Variants in SLC11A1 observed in about 807,000 individuals in gnomAD.
The protein encoded by SLC11A1 is solute carrier family 11 member 1.
A neutral mutation model predicts 63.2 loss-of-function variants in SLC11A1; 59 were observed. The ratio of observed to expected loss-of-function variants is 0.93; its 90% CI spans 0.76 to 1.16. The LOEUF (loss-of-function observed/expected upper bound fraction) is 1.16, where lower values mean the gene tolerates loss of function less well. Ranked by LOEUF, SLC11A1 falls within the 50% of genes most tolerant of loss-of-function variation. The pLI is 0.00. For synonymous variants in SLC11A1, 305 were observed against 307.8 expected, an observed-to-expected ratio of 0.99 and a Z score of 0.09; for missense variants, 688 against 730.7, an observed-to-expected ratio of 0.94 and a Z score of 0.67.
At position 218,393,052 on chromosome 2, in the gene SLC11A1, C is replaced by CGTGCTCGGAA; in HGVS notation, c.1243_1244insGAAGTGCTCG (p.Val415GlyfsTer18). On this transcript the variant is annotated frameshift_variant, in exon 12 of 15. Transcript: ENST00000233202. LOFTEE classifies it high-confidence loss of function. The stretch of plus-strand genomic sequence containing the variant: ...CCCGCTCCTGCGCCATCCTGCCCAC[C>CGTGCTCGGAA]GTGCTCGTGGCTGTCTTCCGGGACC... The CGTGCTCGGAA allele has an allele frequency of 6.3e-7, 1 of 1,599,830 alleles. No individual in the cohort carries two copies. Among genetic ancestry groups the CGTGCTCGGAA allele is most frequent in the Admixed American group, 1.7e-5 (1 of 58,854 alleles).
At position 218,395,315 on chromosome 2, in the gene SLC11A1, A is replaced by G. The variant is rs534477109; in HGVS notation, c.*280A>G. 2.1e-5 allele frequency: 9 copies of G among 425,600 alleles called. No homozygotes were observed. The highest frequency in any genetic ancestry group is 5.9e-5 in the African/African-American group (3 of 50,432). 26.4% of individuals were successfully genotyped at this position (425,600 alleles called of 1,614,324 possible). On this transcript the variant is annotated 3_prime_UTR_variant, in exon 15 of 15. Transcript: ENST00000233202. ...GGACAAAAACAAACAAACGAAAAAC[A>G]TTTCAAAAGGTATTTATTGAGCACC...
chr2:218,396,588 G>C lies in SLC11A1; in HGVS notation c.*1553G>C, dbSNP rs565815028. 6.6e-6 allele frequency: 1 copy of C among 152,468 alleles called. No individual in the cohort carries two copies. The highest frequency in any genetic ancestry group is 6.5e-5 in the Admixed American group (1 of 15,284). The allele number at this position is 152,468 out of a possible 1,614,324, so 9.4% of individuals were successfully genotyped here. On this transcript the variant is annotated 3_prime_UTR_variant, in exon 15 of 15. Coordinates refer to ENST00000233202, the MANE Select transcript of SLC11A1 (RefSeq NM_000578.4). ...ACGATGCGAGTGGGTCCCTCAAGGA[G>C]AGAAGAGATGGGACCGGTCTGGTGC...
rs1318188838 is a variant in SLC11A1, at chr2:218,386,620, A to T, written c.394-15A>T. On this transcript the variant is annotated splice_polypyrimidine_tract_variant and intron_variant, in intron 4 of 14. Coordinates refer to ENST00000233202, the MANE Select transcript of SLC11A1 (RefSeq NM_000578.4). The stretch of plus-strand genomic sequence containing the variant: ...ACCGGCCCACCCTTAATGAAGGATC[A>T]TCTCCTCCCCATAGGTGCCCCGCAC... 1.3e-6 allele frequency: 2 copies of T among 1,594,044 alleles called. No individual in the cohort carries two copies.
At chr2:218,382,429 T>C in intron 1 of SLC11A1, 54 bp downstream of exon 1, 6 of 1,602,434 alleles carry the variant, frequency 3.7e-6, no homozygotes, top group Non-Finnish European at 5.1e-6. Flanking sequence ...GTGGAGGAGA[T>C]CACTAGGCTG....
At chr2:218,394,489 T>A in intron 13 of SLC11A1, 143 bp from the exon 14 acceptor site, 1 of 908,882 alleles carries the variant, frequency 1.1e-6, no homozygotes, top group South Asian at 1.6e-5. Context: ...GGGGAGGGGG[T>A]CTGTCTGCTC....
In SLC11A1 at chr2:218,395,016, A is replaced by G; in HGVS notation, c.1634A>G (p.Lys545Arg). 1 of 1,608,180 alleles carries G rather than the reference A, an allele frequency of 6.2e-7. No homozygotes were observed. The highest frequency in any genetic ancestry group is 8.5e-7 in the Non-Finnish European group (1 of 1,177,058). Residue 545 changes from lysine (K) to arginine (R), a missense_variant, in exon 15 of 15, where the codon AAA (lysine) becomes AGA (arginine). Physicochemically the swap from Lys to Arg is conservative, Grantham distance 26. Transcript: ENST00000233202. The stretch of plus-strand genomic sequence containing the variant: ...TATGGGCTCCTTGAAGAGGACCAGA[A>G]AGGGGAGACCTCTGGCTAGGCCCAC... ...FLYGLLEEDQKGETSG is the reference protein window; with the variant it reads ...FLYGLLEEDQRGETSG
Position 218,395,471 on chromosome 2 carries a change from A to C in SLC11A1, c.*436A>C, listed in dbSNP as rs1381166675. The C allele has an allele frequency of 6.3e-6, 1 of 159,196 alleles. No homozygotes were observed. Among genetic ancestry groups the C allele is most frequent in the African/African-American group, 2.4e-5 (1 of 41,504 alleles). The allele number at this position is 159,196 out of a possible 1,614,324, so 9.9% of individuals were successfully genotyped here. On this transcript the variant is annotated 3_prime_UTR_variant, in exon 15 of 15. Transcript: ENST00000233202. ...AAATTATCTATCTATCTATTTATTT[A>C]TTTATTTGAGACAGGGAAAGGGTCT...
At chr2:218,392,046 G>A in intron 11 of SLC11A1, 1 of 365,788 alleles carries the variant, frequency 2.7e-6, no homozygotes, top group Non-Finnish European at 5.5e-6. Context: ...GTGAGCCACT[G>A]CGTCCGGCCT....
intron 9 of SLC11A1, among the ~76,000 whole-genome samples, chr2:218,390,959 C>T (rs1696396637): frequency 6.6e-6 from 1 of 152,094 alleles, no homozygotes; most frequent in South Asian, 2.1e-4. Flanking sequence ...AGGCAGATGG[C>T]TCGCTTGAGC....
rs536595020 is a variant in SLC11A1, at chr2:218,392,047, C to T, written c.1164+552C>T. 548 of 372,474 alleles carry T rather than the reference C, an allele frequency of 1.5e-3. 1 individual carries two copies. Among genetic ancestry groups the T allele is most frequent in the Non-Finnish European group, 1.5e-3 (277 of 184,578 alleles). The allele number at this position is 372,474 out of a possible 1,614,324, so 23.1% of individuals were successfully genotyped here. On this transcript the variant is annotated intron_variant, in intron 11 of 14. Coordinates refer to ENST00000233202, the MANE Select transcript of SLC11A1 (RefSeq NM_000578.4). ...CTGGGATTATAGGCGTGAGCCACTG[C>T]GTCCGGCCTTTTCTTTTCTTTCTTT...
intron 9 of SLC11A1, 88 bp from the exon 10 acceptor site, chr2:218,391,110 T>C: frequency 8.5e-7 from 1 of 1,173,274 alleles, no homozygotes; most frequent in South Asian, 1.2e-5. Flanking sequence ...GCCACCAGTT[T>C]TGGAACCCTG....
In SLC11A1 at chr2:218,384,803, G is replaced by A. The variant is rs1432925259; in HGVS notation, c.274-344G>A. 2 of 308,910 alleles carry A rather than the reference G, an allele frequency of 6.5e-6. No individual in the cohort carries two copies. Among genetic ancestry groups the A allele is most frequent in the East Asian group, 2.0e-4 (2 of 10,082 alleles). The allele number at this position is 308,910 out of a possible 1,614,324, so 19.1% of individuals were successfully genotyped here. The stretch of plus-strand genomic sequence containing the variant: ...GGGTTTCACTGTGTGGGCCAGGCTG[G>A]TCTTGAACTCCTGACCTCAAGTGAT... On this transcript the variant is annotated intron_variant, in intron 3 of 14. Transcript: ENST00000233202. This position sits in a 1 kb window ranked among gnomAD's most constrained non-coding sequence, Gnocchi z 4.0.
chr2:218,386,775 A>G, intron 5 of SLC11A1, 34 bp downstream of exon 5: 2 of 1,523,504 alleles, frequency 1.3e-6, no homozygotes, highest in Non-Finnish European at 1.8e-6. Context: ...TCTTCAGGCC[A>G]GGCAGAGAAC....
intron 11 of SLC11A1, chr2:218,391,918 C>T (rs781162384): frequency 2.5e-4 from 66 of 267,982 alleles, no homozygotes; most frequent in Middle Eastern, 2.8e-3. Context: ...CCACCGCACC[C>T]GGCCAATTTT....
At position 218,385,431 on chromosome 2, in the gene SLC11A1, C is replaced by G. The variant is rs1177282318; in HGVS notation, c.393+165C>G. 4 of 971,948 alleles carry G rather than the reference C, an allele frequency of 4.1e-6. No individual in the cohort carries two copies. The African/African-American group carries it at 4.8e-5, about 12-fold the overall frequency. 60.2% of individuals were successfully genotyped at this position (971,948 alleles called of 1,614,324 possible). A position where few individuals can be genotyped will look rare whatever the true frequency, so the allele number is the denominator to read the frequency against. ...TTTCAGTCGGAGTCTCGCTCCGTCGCCCAGTCAGGAGTGCAATGGTGCGAT... is the reference window on the plus strand; with the variant it reads ...TTTCAGTCGGAGTCTCGCTCCGTCGGCCAGTCAGGAGTGCAATGGTGCGAT... On this transcript the variant is annotated intron_variant, in intron 4 of 14. Coordinates refer to ENST00000233202, the MANE Select transcript of SLC11A1 (RefSeq NM_000578.4).
At chr2:218,391,741 G>A in intron 11 of SLC11A1, 1 of 438,972 alleles carries the variant, frequency 2.3e-6, no homozygotes, top group East Asian at 4.5e-5. Flanking sequence ...TCCTGCTTCA[G>A]CCTCCTCAGT....
chr2:218,389,290 C>G (rs1187054330), intron 8 of SLC11A1, among the ~76,000 whole-genome samples: 1 of 151,692 alleles, frequency 6.6e-6, no homozygotes, highest in Admixed American at 6.6e-5. Flanking sequence ...AACAGCTTAA[C>G]AGTGGCTCAC....
intron 13 of SLC11A1, 78 bp from the exon 14 acceptor site, chr2:218,394,554 C>T (rs1178280078): frequency 1.1e-5 from 17 of 1,485,928 alleles, no homozygotes; most frequent in Middle Eastern, 1.7e-4. Flanking sequence ...CCAGTGTGGG[C>T]GCTGGGAGAT....
At chr2:218,391,592 T>A in intron 11 of SLC11A1, 97 bp downstream of exon 11, 1 of 1,293,840 alleles carries the variant, frequency 7.7e-7, no homozygotes, top group Non-Finnish European at 1.0e-6. Context: ...CCTCTTTTCT[T>A]TTCTTTCTTT....
Sources: allele counts gnomAD v4.1 joint callset (sites outside exome capture counted in the v4.1 genomes callset), GRCh38; gene constraint gnomAD v4.1.1; non-coding constraint Gnocchi (gnomAD v3.1); transcripts MANE v1.5; gene names NCBI Gene and HGNC (gene_info 2026-07-23, HGNC 2026-07-21).